The following JCAD variants were observed in gnomAD, a reference collection of about 807,000 sequenced individuals.
The protein encoded by JCAD is junctional cadherin 5-associated protein.
A neutral mutation model predicts 98.0 loss-of-function variants in JCAD; 40 were observed. That is an observed-to-expected ratio of 0.41 (90% CI 0.32 to 0.53). The LOEUF is 0.53. JCAD is among the 20% of genes least tolerant of loss of function. The pLI, the probability that JCAD is intolerant of heterozygous loss-of-function variation, is 0.31. For synonymous variants in JCAD, 691 were observed against 682.3 expected (o/e 1.01, Z -0.20); for missense variants, 1,705 against 1,738.1 (o/e 0.98, Z 0.34).
chr10:30,077,404 G>C (rs1337889629), intron 1 of JCAD, among the ~76,000 whole-genome samples: 1 of 152,112 alleles, frequency 6.6e-6, no homozygotes, highest in African/African-American at 2.4e-5. Context: ...AGCCTCCCAA[G>C]TAGCTGGGAC....
In JCAD at chr10:30,047,663, G is replaced by A. The variant is rs765849478; in HGVS notation, c.150C>T (p.Gly50=). 4 of 1,614,076 alleles carry A rather than the reference G, an allele frequency of 2.5e-6. No individual in the cohort carries two copies. Among genetic ancestry groups the A allele is most frequent in the African/African-American group, 2.7e-5 (2 of 74,938 alleles). Residue 50 remains glycine, a synonymous_variant, in exon 2 of 4, where the codon GGC becomes GGT. Coordinates refer to ENST00000375377, the MANE Select transcript of JCAD (RefSeq NM_020848.4). ...GQGLQNGHED[G]PAALAHRKTS... ...TCTTACGATGTGCGAGGGCCGCAGG[G>A]CCATCCTCATGCCCGTTCTGCAGGC...
intron 1 of JCAD, among the ~76,000 whole-genome samples, chr10:30,089,378 G>T (rs1278381000): frequency 6.6e-6 from 1 of 152,250 alleles, no homozygotes; most frequent in East Asian, 1.9e-4. Flanking sequence ...TCCAGCAATT[G>T]AATAACACCT....
chr10:30,041,480 G>A (rs1379361720), intron 2 of JCAD, among the ~76,000 whole-genome samples: 1 of 152,194 alleles, frequency 6.6e-6, no homozygotes, highest in Non-Finnish European at 1.5e-5. Flanking sequence ...TATGATTTAA[G>A]AGAAGCTTTA....
At chr10:30,062,241 G>T (rs1252843316), upstream of JCAD, among the ~76,000 whole-genome samples, 1 of 152,228 alleles carries the variant, frequency 6.6e-6, no homozygotes, top group Non-Finnish European at 1.5e-5. Context: ...GGAGATTCTA[G>T]AGAAGATGAC....
rs576436525 is a variant in JCAD, at chr10:30,083,587, C to T, written n.129-13766G>A. 3.3e-5 allele frequency among the ~76,000 whole-genome samples: 5 copies of T among 152,224 alleles called. No homozygotes were observed. The East Asian group carries it at 5.8e-4, about 18-fold the overall frequency. On this transcript the variant is annotated intron_variant and non_coding_transcript_variant, in intron 1 of 2. Coordinates refer to the JCAD transcript ENST00000465712. Reference sequence around the variant, plus strand: ...ACCACAGAATACAGGGTCTAGAGACCGCTAAAGTTAAGCTAAAATGCCTAT... The same window carrying T: ...ACCACAGAATACAGGGTCTAGAGACTGCTAAAGTTAAGCTAAAATGCCTAT...
chr10:30,018,587 C>A (rs192119739), intron 3 of JCAD, among the ~76,000 whole-genome samples: 5 of 152,216 alleles, frequency 3.3e-5, no homozygotes, highest in Admixed American at 2.6e-4. Context: ...CCAATCTGTG[C>A]CCAGATGACC....
intron 1 of JCAD, among the ~76,000 whole-genome samples, chr10:30,055,954 ACT>A (rs1303604021): frequency 1.3e-5 from 2 of 150,990 alleles, no homozygotes; most frequent in Non-Finnish European, 1.5e-5. Context: ...ACTTACACAC[ACT>A]CTTTCTCCTG....
chr10:30,048,722 C>G (rs976906708), intron 1 of JCAD, among the ~76,000 whole-genome samples: 1 of 152,090 alleles, frequency 6.6e-6, no homozygotes, highest in Non-Finnish European at 1.5e-5. Context: ...TATGCCACCA[C>G]GCCTGGCTAA....
At position 30,029,862 on chromosome 10, in the gene JCAD, A is replaced by C; in HGVS notation, c.286T>G (p.Cys96Gly). 1 of 1,612,530 alleles carries C rather than the reference A, an allele frequency of 6.2e-7. No homozygotes were observed. The highest frequency in any genetic ancestry group is 8.5e-7 in the Non-Finnish European group (1 of 1,179,206). The change falls in exon 3 of 4, where the codon TGT (cysteine) becomes GGT (glycine). Residue 96 changes from cysteine to glycine, a missense_variant. Physicochemically the swap from Cys to Gly is radical, Grantham distance 159. Transcript: ENST00000375377. Reference sequence around the variant, plus strand: ...GACCATGCTGAGGGGGGTTGATTACAAAACCTACAAAACAAAGAGTCACAG... The same window carrying C: ...GACCATGCTGAGGGGGGTTGATTACCAAACCTACAAAACAAAGAGTCACAG... ...SASRTSEAGF[C>G]NQPPSAWSSH...
chr10:30,108,480 A>G (rs1176428971), intron 1 of JCAD, among the ~76,000 whole-genome samples: 2 of 152,172 alleles, frequency 1.3e-5, no homozygotes, highest in African/African-American at 4.8e-5. Flanking sequence ...GGGCGACGAG[A>G]ATTTTATCAG....
At chr10:30,023,885 G>T (rs1185549486) in intron 3 of JCAD, among the ~76,000 whole-genome samples, 1 of 152,152 alleles carries the variant, frequency 6.6e-6, no homozygotes, top group Non-Finnish European at 1.5e-5. Context: ...TTCTGAACTG[G>T]AAATTTTGTG....
chr10:30,074,846 G>A (rs527409287), intron 1 of JCAD, among the ~76,000 whole-genome samples: 1 of 152,034 alleles, frequency 6.6e-6, no homozygotes, highest in African/African-American at 2.4e-5. Flanking sequence ...AGGCTGGACT[G>A]CCATGGCACC....
intron 1 of JCAD, among the ~76,000 whole-genome samples, chr10:30,096,620 A>G (rs1564471259): frequency 7.1e-6 from 1 of 140,182 alleles, no homozygotes; most frequent in Non-Finnish European, 1.6e-5. Flanking sequence ...ATGAGCTGGG[A>G]TTTTTTTTTT....
rs1588652396 is a variant in JCAD at position 30,096,888 on chromosome 10, G to C, written n.128+18479C>G. Among the ~76,000 whole-genome samples, 3 of 152,282 alleles carry C rather than the reference G, an allele frequency of 2.0e-5. No homozygotes were observed. The East Asian group carries it at 5.8e-4, about 29-fold the overall frequency. ...CGAGTCCATTTCTCTGCTGGAAATA[G>C]ATCTCTGAGCATTTCTTCAATAGCA... On this transcript the variant is annotated intron_variant and non_coding_transcript_variant, in intron 1 of 2. Coordinates refer to the JCAD transcript ENST00000465712.
At chr10:30,022,583 C>T (rs907301157) in intron 3 of JCAD, among the ~76,000 whole-genome samples, 5 of 152,104 alleles carry the variant, frequency 3.3e-5, no homozygotes, top group Non-Finnish European at 5.9e-5. Flanking sequence ...GCTCTCAAGA[C>T]GAGTGGTTTT....
chr10:30,025,961 A>G, intron 3 of JCAD, 142 bp downstream of exon 3: 1 of 936,272 alleles, frequency 1.1e-6, no homozygotes, highest in South Asian at 1.6e-5. Context: ...GAAAATGAGG[A>G]ATCTTTTGAT....
At position 30,026,149 on chromosome 10, in the gene JCAD, C is replaced by T. The variant is rs771380894; in HGVS notation, c.3999G>A (p.Pro1333=). The T allele has an allele frequency of 1.1e-5, 18 of 1,614,090 alleles. No homozygotes were observed. The East Asian group carries it at 2.0e-4, about 18-fold the overall frequency. Residue 1333 remains proline (P), a synonymous_variant, in exon 3 of 4, where the codon CCG becomes CCA. Coordinates refer to ENST00000375377, the MANE Select transcript of JCAD (RefSeq NM_020848.4). ...DSISREEKEH[P]AAQKEKSMDQ... is the part of the protein sequence containing the mutation. ...CCATGCTCTTCTCCTTTTGTGCTGC[C>T]GGATGCTCCTTCTCTTCCCTGGAGA... is the stretch of plus-strand genomic sequence containing the variant.
In JCAD at chr10:30,047,623, C is replaced by G; in HGVS notation, c.190G>C (p.Gly64Arg). ...CGGCTTTCGGAGTCACTCACATGTCCTTTCCCCGCGGACGTCTTACGATGT... is the reference window on the plus strand; with the variant it reads ...CGGCTTTCGGAGTCACTCACATGTCGTTTCCCCGCGGACGTCTTACGATGT... ...LAHRKTSAGKGHVSDSESRRS... is the reference protein window; with the variant it reads ...LAHRKTSAGKRHVSDSESRRS... Residue 64 changes from glycine (G) to arginine (R), a missense_variant, in exon 2 of 4, where the codon GGA (glycine) becomes CGA (arginine). Physicochemically the swap from Gly to Arg is moderately radical, Grantham distance 125. Around this residue, in one of 3 missense-constraint regions of JCAD, gnomAD observed 152 missense variants for 148.0 expected, o/e 1.03. Coordinates refer to ENST00000375377, the MANE Select transcript of JCAD (RefSeq NM_020848.4). 1 of 1,614,208 alleles carries G rather than the reference C, an allele frequency of 6.2e-7. No homozygotes were observed. Among genetic ancestry groups the G allele is most frequent in the South Asian group, 1.1e-5 (1 of 91,078 alleles).
chr10:30,076,409 T>C (rs931771231), intron 1 of JCAD, among the ~76,000 whole-genome samples: 1 of 152,210 alleles, frequency 6.6e-6, no homozygotes, highest in Non-Finnish European at 1.5e-5. Context: ...CTGATCAAAA[T>C]AGTTACAATG....
Sources: allele counts gnomAD v4.1 joint callset (sites outside exome capture counted in the v4.1 genomes callset), GRCh38; gene constraint gnomAD v4.1.1; regional missense constraint gnomAD v4.1.1; transcripts MANE v1.5; gene names NCBI Gene and HGNC (gene_info 2026-07-23, HGNC 2026-07-21).